Variants in NKAIN3 observed in about 807,000 individuals in gnomAD.
The protein encoded by NKAIN3 is sodium/potassium transporting ATPase interacting 3, also known as sodium/potassium-transporting ATPase subunit beta-1-interacting protein 3.
Under a neutral mutation model 30.2 loss-of-function variants are expected in NKAIN3, and 25 were observed. That is an observed-to-expected ratio of 0.83 (90% confidence interval 0.60 to 1.16). The LOEUF is 1.16. Ranked by LOEUF, NKAIN3 falls within the 50% of genes most tolerant of loss-of-function variation. The pLI is 0.00. For synonymous variants in NKAIN3, 91 were observed against 89.6 expected (o/e 1.02, Z -0.09); for missense variants, 225 against 254.1 (o/e 0.89, Z 0.78).
chr8:62,436,068 T>A (rs928903895), intron 1 of NKAIN3, among the ~76,000 whole-genome samples: 4 of 152,202 alleles, frequency 2.6e-5, no homozygotes, highest in Non-Finnish European at 4.4e-5. Flanking sequence ...TCAAAGTAAA[T>A]CCCTAAAGGC....
chr8:62,348,441 T>C (rs1816077865), intron 1 of NKAIN3, among the ~76,000 whole-genome samples: 1 of 152,220 alleles, frequency 6.6e-6, no homozygotes, highest in African/African-American at 2.4e-5. Flanking sequence ...ATATACTTTG[T>C]TAGAAATCAA....
At chr8:62,871,167 A>G (rs1458537054) in intron 4 of NKAIN3, among the ~76,000 whole-genome samples, 4 of 152,064 alleles carry the variant, frequency 2.6e-5, no homozygotes, top group Non-Finnish European at 5.9e-5. Context: ...TTGGGAGGCC[A>G]AAGTGGGTGG....
At chr8:62,847,763 G>A (rs1261277824) in intron 4 of NKAIN3, among the ~76,000 whole-genome samples, 3 of 149,144 alleles carry the variant, frequency 2.0e-5, no homozygotes, top group Non-Finnish European at 4.4e-5. Flanking sequence ...CCGTGCTTAT[G>A]TCCTGAATGG....
intron 4 of NKAIN3, among the ~76,000 whole-genome samples, chr8:62,817,238 A>G (rs1316238039): frequency 1.3e-5 from 2 of 152,154 alleles, no homozygotes; most frequent in Non-Finnish European, 2.9e-5. Context: ...CTTGATGACC[A>G]ATTAAATGTG....
At chr8:62,882,865 T>C (rs765479583) in intron 4 of NKAIN3, among the ~76,000 whole-genome samples, 3 of 152,212 alleles carry the variant, frequency 2.0e-5, no homozygotes, top group Admixed American at 6.5e-5. Flanking sequence ...ACTATACTTA[T>C]GTGGGGCTGT....
intron 1 of NKAIN3, among the ~76,000 whole-genome samples, chr8:62,521,686 C>T (rs1276981203): frequency 6.6e-6 from 1 of 152,124 alleles, no homozygotes. Context: ...ACCTGGATTG[C>T]AGCATCTGGC....
chr8:62,853,298 A>G (rs1238668204), intron 4 of NKAIN3, among the ~76,000 whole-genome samples: 1 of 151,852 alleles, frequency 6.6e-6, no homozygotes, highest in African/African-American at 2.4e-5. Flanking sequence ...TTTGTTTTCC[A>G]TTTGCTTGGT....
At chr8:62,258,877 T>A (rs867658198) in intron 1 of NKAIN3, among the ~76,000 whole-genome samples, 1 of 152,102 alleles carries the variant, frequency 6.6e-6, no homozygotes, top group African/African-American at 2.4e-5. Flanking sequence ...GGAAGAAAAC[T>A]GGAGCAAACA....
chr8:62,577,108 A>T (rs1021413210), intron 1 of NKAIN3, among the ~76,000 whole-genome samples: 8 of 152,076 alleles, frequency 5.3e-5, no homozygotes, highest in Admixed American at 2.0e-4. Flanking sequence ...TAGTTTTCAC[A>T]GTTTGTTTAG....
intron 4 of NKAIN3, among the ~76,000 whole-genome samples, chr8:62,767,647 A>G (rs1023887093): frequency 2.0e-5 from 3 of 151,680 alleles, no homozygotes; most frequent in Non-Finnish European, 4.4e-5. Context: ...AGTATTTTTC[A>G]TTTACTTAGA....
At chr8:62,611,306 A>C (rs2130186755) in intron 3 of NKAIN3, among the ~76,000 whole-genome samples, 1 of 152,266 alleles carries the variant, frequency 6.6e-6, no homozygotes, top group Middle Eastern at 3.4e-3. Flanking sequence ...TTATGCTTTG[A>C]GTTAAAAAAA....
intron 4 of NKAIN3, among the ~76,000 whole-genome samples, chr8:62,851,626 A>C (rs965066060): frequency 1.3e-5 from 2 of 152,114 alleles, no homozygotes; most frequent in African/African-American, 4.8e-5. Context: ...TTTGAGGTAC[A>C]TCCCATCAAT....
intron 1 of NKAIN3, among the ~76,000 whole-genome samples, chr8:62,250,020 G>T (rs1011054489): frequency 3.3e-5 from 5 of 152,122 alleles, no homozygotes; most frequent in African/African-American, 1.2e-4. Flanking sequence ...TCTCCCTTGC[G>T]TTATACTTCA....
At chr8:62,385,025 G>A (rs946459890) in intron 1 of NKAIN3, among the ~76,000 whole-genome samples, 12 of 151,966 alleles carry the variant, frequency 7.9e-5, no homozygotes, top group Admixed American at 3.3e-4. Context: ...TATTCATTTT[G>A]GGACCCTCCA....
chr8:62,327,179 G>T (rs755965891), intron 1 of NKAIN3, among the ~76,000 whole-genome samples: 1 of 151,886 alleles, frequency 6.6e-6, no homozygotes, highest in Non-Finnish European at 1.5e-5. Context: ...TGTTGTTGCT[G>T]TTGAGTTTAG....
chr8:62,842,841 A>T (rs1300140221), intron 4 of NKAIN3, among the ~76,000 whole-genome samples: 1 of 152,110 alleles, frequency 6.6e-6, no homozygotes, highest in African/African-American at 2.4e-5. Context: ...CCCTTACCTT[A>T]CACTATGCTC....
chr8:62,493,638 T>G (rs768924795), intron 1 of NKAIN3, among the ~76,000 whole-genome samples: 101 of 152,200 alleles, frequency 6.6e-4, no homozygotes, highest in Non-Finnish European at 2.9e-4. Context: ...GTGATATTGA[T>G]TCTTCCTATC....
chr8:62,883,894 C>G (rs1821067000), intron 4 of NKAIN3, among the ~76,000 whole-genome samples: 1 of 151,966 alleles, frequency 6.6e-6, no homozygotes. Context: ...CTTCTCACTT[C>G]TAGTTTGCTG....
At chr8:62,290,630 G>C (rs1055808543) in intron 1 of NKAIN3, among the ~76,000 whole-genome samples, 1 of 152,160 alleles carries the variant, frequency 6.6e-6, no homozygotes, top group Non-Finnish European at 1.5e-5. Context: ...TGTGCTGCTG[G>C]ATTCAGTTTG....
Sources: gnomAD v4.1 joint callset for allele counts (sites outside exome capture counted in the v4.1 genomes callset) on GRCh38, gnomAD v4.1.1 for gene constraint, MANE v1.5 for transcripts, NCBI Gene and HGNC (gene_info 2026-07-23, HGNC 2026-07-21) for gene names.